The following DNM3 variants were observed in gnomAD, a reference collection of about 807,000 sequenced individuals.
DNM3 encodes dynamin 3.
DNM3 carries 47 observed loss-of-function variants against 101.6 expected under a neutral mutation model. The observed-to-expected ratio is 0.46, with a 90% confidence interval of 0.37 to 0.59. The LOEUF (loss-of-function observed/expected upper bound fraction) is 0.59. Among genes scored for constraint, DNM3 ranks in the 20% least tolerant of loss-of-function variants. The pLI is 0.00. For synonymous variants in DNM3, 385 were observed against 387.9 expected, an observed-to-expected ratio of 0.99 and a Z score of 0.09; for missense variants, 849 against 1,085.7, an observed-to-expected ratio of 0.78 and a Z score of 3.06.
intron 14 of DNM3, among the ~76,000 whole-genome samples, chr1:172,204,447 C>A (rs1424095719): frequency 6.6e-6 from 1 of 152,082 alleles, no homozygotes; most frequent in Non-Finnish European, 1.5e-5. Flanking sequence ...AATAAAATTT[C>A]TGTTCCCCTC....
intron 4 of DNM3, among the ~76,000 whole-genome samples, chr1:172,020,513 GA>G (rs2047760546): frequency 6.6e-6 from 1 of 151,972 alleles, no homozygotes; most frequent in Admixed American, 6.5e-5. Flanking sequence ...TAGGTCAGGA[GA>G]TGGAGACTAT....
rs117102152 is a variant in DNM3, at chr1:172,082,525, A to G, written c.1493+623A>G. Among the ~76,000 whole-genome samples the G allele has an allele frequency of 2.4e-3, 368 of 152,286 alleles. 11 individuals carry two copies. In the East Asian group the frequency reaches 0.065, roughly 27 times the overall value. ...AATGCACTATCTTTTCCTGCCCATTAGTGAAACCAGTTTTTGATTTAAATA... is the reference window on the plus strand; with the variant it reads ...AATGCACTATCTTTTCCTGCCCATTGGTGAAACCAGTTTTTGATTTAAATA... On this transcript the variant is annotated intron_variant, in intron 12 of 20. Coordinates refer to ENST00000627582, the MANE Select transcript of DNM3 (RefSeq NM_015569.5).
chr1:172,027,877 C>G (rs992220018), intron 4 of DNM3, among the ~76,000 whole-genome samples: 1 of 152,108 alleles, frequency 6.6e-6, no homozygotes, highest in Non-Finnish European at 1.5e-5. Flanking sequence ...AGCTAACTAT[C>G]CTAAATATAT....
chr1:172,092,355 C>T (rs1487008798), intron 12 of DNM3, among the ~76,000 whole-genome samples: 1 of 152,146 alleles, frequency 6.6e-6, no homozygotes, highest in Non-Finnish European at 1.5e-5. Flanking sequence ...CACTTATTAG[C>T]TGAGTGATTT....
At chr1:171,910,108 C>G (rs931373693) in intron 1 of DNM3, among the ~76,000 whole-genome samples, 3 of 152,198 alleles carry the variant, frequency 2.0e-5, no homozygotes, top group Non-Finnish European at 2.9e-5. Flanking sequence ...AGAATGAAGT[C>G]TTTAGGTAGC....
intron 17 of DNM3, among the ~76,000 whole-genome samples, chr1:172,326,770 T>G (rs1189761475): frequency 6.6e-6 from 1 of 152,080 alleles, no homozygotes; most frequent in Non-Finnish European, 1.5e-5. Flanking sequence ...GCCCTAAAAG[T>G]TTTTAACGAT....
At chr1:171,997,716 GT>G (rs1432471206) in intron 4 of DNM3, among the ~76,000 whole-genome samples, 1 of 152,146 alleles carries the variant, frequency 6.6e-6, no homozygotes, top group Non-Finnish European at 1.5e-5. Flanking sequence ...CTCCTGGTCA[GT>G]AGTGTAAGTT....
intron 4 of DNM3, among the ~76,000 whole-genome samples, chr1:171,992,688 G>GGA (rs564159039): frequency 6.6e-6 from 1 of 152,138 alleles, no homozygotes; most frequent in South Asian, 2.1e-4. Flanking sequence ...GGTCCCAAGA[G>GGA]GAGACTTTTG....
intron 8 of DNM3, among the ~76,000 whole-genome samples, chr1:172,043,161 G>A (rs1213793324): frequency 6.6e-6 from 1 of 152,108 alleles, no homozygotes. Flanking sequence ...TGGCTTTGGG[G>A]TTTTGGAGAT....
chr1:172,052,084 C>T (rs1211517445), intron 10 of DNM3, among the ~76,000 whole-genome samples: 1 of 152,160 alleles, frequency 6.6e-6, no homozygotes, highest in Non-Finnish European at 1.5e-5. Flanking sequence ...GCACTCTCTT[C>T]AAGCGACCTG....
chr1:172,396,228 T>C (rs898785020), intron 20 of DNM3, among the ~76,000 whole-genome samples: 3 of 152,204 alleles, frequency 2.0e-5, no homozygotes, highest in African/African-American at 7.2e-5. Context: ...AAGAATAAAT[T>C]CTACCCAAGG....
intron 16 of DNM3, among the ~76,000 whole-genome samples, chr1:172,314,083 T>C (rs2065201851): frequency 6.6e-6 from 1 of 152,134 alleles, no homozygotes; most frequent in African/African-American, 2.4e-5. Flanking sequence ...GAAATACTGT[T>C]TGACTCAGCA....
chr1:171,963,348 G>C (rs1030925845), intron 2 of DNM3, among the ~76,000 whole-genome samples: 2 of 152,128 alleles, frequency 1.3e-5, no homozygotes, highest in Non-Finnish European at 2.9e-5. Context: ...AAAGTAAAAA[G>C]ATCAGTGGTT....
chr1:172,055,980 T>A (rs756204229), intron 10 of DNM3, among the ~76,000 whole-genome samples: 4 of 152,056 alleles, frequency 2.6e-5, no homozygotes, highest in Non-Finnish European at 5.9e-5. Context: ...GGTCAGTGGG[T>A]GCGTGCACCG....
chr1:172,200,424 T>C (rs2060111974), intron 14 of DNM3, among the ~76,000 whole-genome samples: 1 of 152,126 alleles, frequency 6.6e-6, no homozygotes, highest in Non-Finnish European at 1.5e-5. Flanking sequence ...GAGTTCTCTG[T>C]ATTTCCTGAA....
chr1:171,904,239 T>C lies in DNM3; in HGVS notation c.162-17509T>C, dbSNP rs551334698. On this transcript the variant is annotated intron_variant, in intron 1 of 20. Coordinates refer to ENST00000627582, the MANE Select transcript of DNM3 (RefSeq NM_015569.5). The stretch of plus-strand genomic sequence containing the variant: ...AGGTGGATCACCTGAGCCCAGGAGA[T>C]AGAGGTTGCAGTGAGCTGAGATTGT... Among the ~76,000 whole-genome samples the C allele has an allele frequency of 3.3e-5, 5 of 151,828 alleles. No homozygotes were observed. The South Asian group carries it at 1.0e-3, about 32-fold the overall frequency.
At chr1:172,136,391 T>C (rs1473436471) in intron 14 of DNM3, 2 of 152,118 alleles carry the variant, frequency 1.3e-5, no homozygotes, top group Non-Finnish European at 2.9e-5. Flanking sequence ...AGATTGTGCA[T>C]ATTTCCTACC....
intron 15 of DNM3, among the ~76,000 whole-genome samples, chr1:172,300,398 G>A (rs2064385552): frequency 1.3e-5 from 2 of 151,928 alleles, no homozygotes; most frequent in Non-Finnish European, 1.5e-5. Context: ...GTTTAATTAG[G>A]TCCCTCTTGT....
intron 14 of DNM3, among the ~76,000 whole-genome samples, chr1:172,247,683 A>ATTTATTTT (rs1317757673): frequency 1.5e-4 from 22 of 150,146 alleles, no homozygotes; most frequent in Admixed American, 1.4e-3. Flanking sequence ...TTATTTATTT[A>ATTTATTTT]TTTATTTATT....
Sources: gnomAD v4.1 joint callset for allele counts (sites outside exome capture counted in the v4.1 genomes callset) on GRCh38, gnomAD v4.1.1 for gene constraint, MANE v1.5 for transcripts, NCBI Gene and HGNC (gene_info 2026-07-23, HGNC 2026-07-21) for gene names.